Variants in TAFA2 observed in about 807,000 individuals in gnomAD.
The protein encoded by TAFA2 is TAFA chemokine like family member 2.
In TAFA2, 7 loss-of-function variants were observed where a neutral mutation model predicts 18.8. The ratio of observed to expected loss-of-function variants is 0.37; its 90% CI spans 0.21 to 0.70. TAFA2 has a LOEUF of 0.70. Among genes scored for constraint, TAFA2 ranks in the 30% least tolerant of loss-of-function variants. The pLI is 0.53. For missense variants in TAFA2, 122 were observed against 158.1 expected (o/e 0.77, Z 1.23); for synonymous variants, 60 against 54.2 (o/e 1.11, Z -0.47).
intron 4 of TAFA2, among the ~76,000 whole-genome samples, chr12:61,751,399 G>T (rs1370682004): frequency 6.6e-6 from 1 of 152,090 alleles, no homozygotes; most frequent in South Asian, 2.1e-4. Flanking sequence ...CATTTTTCTT[G>T]TGAAAGAATA....
intron 1 of TAFA2, among the ~76,000 whole-genome samples, chr12:62,027,211 G>A (rs1018620671): frequency 2.0e-5 from 3 of 152,090 alleles, no homozygotes; most frequent in African/African-American, 7.2e-5. Context: ...TTGCATATAA[G>A]TTACTATTTT....
intron 1 of TAFA2, among the ~76,000 whole-genome samples, chr12:62,134,497 C>T (rs1464880586): frequency 6.6e-6 from 1 of 151,978 alleles, no homozygotes; most frequent in East Asian, 1.9e-4. Flanking sequence ...GCACTTTGAA[C>T]TTGGACCTTC....
intron 1 of TAFA2, among the ~76,000 whole-genome samples, chr12:61,869,180 AC>A (rs1309656105): frequency 6.6e-6 from 1 of 152,210 alleles, no homozygotes; most frequent in Non-Finnish European, 1.5e-5. Context: ...AAGATAACAT[AC>A]AAGAAGATAG....
At chr12:62,180,811 G>T (rs1437182951) in intron 1 of TAFA2, among the ~76,000 whole-genome samples, 1 of 151,994 alleles carries the variant, frequency 6.6e-6, no homozygotes, top group Non-Finnish European at 1.5e-5. Flanking sequence ...CAAAAAAAAA[G>T]CAAATCCCAG....
chr12:61,869,113 T>A (rs1472713333), intron 1 of TAFA2, among the ~76,000 whole-genome samples: 1 of 152,064 alleles, frequency 6.6e-6, no homozygotes, highest in African/African-American at 2.4e-5. Context: ...TTGAAGGGAG[T>A]TTCAGTAGCA....
At chr12:62,161,363 T>A (rs2062405780) in intron 1 of TAFA2, among the ~76,000 whole-genome samples, 1 of 152,228 alleles carries the variant, frequency 6.6e-6, no homozygotes, top group Non-Finnish European at 1.5e-5. Context: ...AATGGAATAC[T>A]ATTCAGCCAT....
At chr12:61,875,648 T>C (rs1874810860) in intron 1 of TAFA2, among the ~76,000 whole-genome samples, 1 of 152,160 alleles carries the variant, frequency 6.6e-6, no homozygotes, top group Non-Finnish European at 1.5e-5. Flanking sequence ...CATGATGATG[T>C]TTGTAAAGGA....
intron 1 of TAFA2, among the ~76,000 whole-genome samples, chr12:61,994,854 G>A (rs1880130675): frequency 6.6e-6 from 1 of 151,914 alleles, no homozygotes; most frequent in Non-Finnish European, 1.5e-5. Flanking sequence ...TTTTATTTAG[G>A]GTTTGAGCCT....
intron 1 of TAFA2, among the ~76,000 whole-genome samples, chr12:62,233,605 C>T (rs1053770788): frequency 1.3e-5 from 2 of 152,160 alleles, no homozygotes; most frequent in Non-Finnish European, 2.9e-5. Flanking sequence ...TGTGTGTGAG[C>T]CAGGTGGGCT....
chr12:62,234,770 TG>T, intron 1 of TAFA2: 1 of 1,077,634 alleles, frequency 9.3e-7, no homozygotes, highest in Non-Finnish European at 1.4e-6. Flanking sequence ...CTGCTGTCTG[TG>T]GAGCAGGTCT....
At chr12:61,949,323 A>C (rs1385045275) in intron 1 of TAFA2, among the ~76,000 whole-genome samples, 2 of 152,096 alleles carry the variant, frequency 1.3e-5, no homozygotes, top group African/African-American at 2.4e-5. Context: ...GCTGGCTTTC[A>C]GAATGGAACT....
intron 1 of TAFA2, among the ~76,000 whole-genome samples, chr12:61,958,273 A>C (rs918612558): frequency 6.6e-6 from 1 of 152,142 alleles, no homozygotes; most frequent in African/African-American, 2.4e-5. Context: ...TAGTATTCCA[A>C]AGTATGGATA....
chr12:62,017,920 T>C (rs1006975246), intron 1 of TAFA2, among the ~76,000 whole-genome samples: 1 of 152,164 alleles, frequency 6.6e-6, no homozygotes, highest in Non-Finnish European at 1.5e-5. Context: ...TGGAAACAAA[T>C]GATCAATAAT....
chr12:61,747,268 G>A (rs930569780), intron 4 of TAFA2, among the ~76,000 whole-genome samples: 101 of 147,168 alleles, frequency 6.9e-4, no homozygotes, highest in Non-Finnish European at 1.1e-3. Flanking sequence ...CTGTTGGTGG[G>A]ACTGTAAACT....
chr12:61,737,260 G>A (rs897098527), intron 4 of TAFA2, among the ~76,000 whole-genome samples: 2 of 151,580 alleles, frequency 1.3e-5, no homozygotes, highest in African/African-American at 4.8e-5. Flanking sequence ...ACATTTTAAA[G>A]AAAAATTATA....
At chr12:61,920,973 C>T (rs182273295) in intron 1 of TAFA2, among the ~76,000 whole-genome samples, 4 of 152,134 alleles carry the variant, frequency 2.6e-5, no homozygotes, top group Admixed American at 2.6e-4. Flanking sequence ...CCTGGATGAA[C>T]CACTGAAAAC....
intron 1 of TAFA2, among the ~76,000 whole-genome samples, chr12:62,076,230 T>G (rs960696457): frequency 6.6e-6 from 1 of 152,178 alleles, no homozygotes; most frequent in African/African-American, 2.4e-5. Context: ...ATCCATAGTA[T>G]GCTGAAAGAT....
intron 1 of TAFA2, among the ~76,000 whole-genome samples, chr12:62,015,625 C>T (rs1211713341): frequency 1.3e-5 from 2 of 152,170 alleles, no homozygotes; most frequent in South Asian, 2.1e-4. Context: ...GTCTTGCCCT[C>T]ATGATGTGAT....
chr12:62,217,962 GTATGTATT>G (rs60915620), intron 1 of TAFA2, among the ~76,000 whole-genome samples: 16,416 of 130,898 alleles, frequency 0.13, 965 homozygotes, highest in Middle Eastern at 0.2. Context: ...CTATTTTTAT[GTATGTATT>G]TATTTATTTA....
Sources: gnomAD v4.1 joint callset for allele counts (sites outside exome capture counted in the v4.1 genomes callset) on GRCh38, gnomAD v4.1.1 for gene constraint, MANE v1.5 for transcripts, NCBI Gene and HGNC (gene_info 2026-07-23, HGNC 2026-07-21) for gene names.